The following CREM variants were observed in gnomAD, a reference collection of about 807,000 sequenced individuals.
The protein encoded by CREM is cAMP-responsive element modulator.
CREM carries 13 observed loss-of-function variants against 37.3 expected under a neutral mutation model. The ratio of observed to expected loss-of-function variants is 0.35; its 90% CI spans 0.23 to 0.55. CREM has a LOEUF of 0.55. CREM is among the 20% of genes least tolerant of loss of function. The pLI is 0.88. For missense variants in CREM, 296 were observed against 362.3 expected, an observed-to-expected ratio of 0.82 and a Z score of 1.49; for synonymous variants, 124 against 120.2, an observed-to-expected ratio of 1.03 and a Z score of -0.21.
At chr10:35,162,365 A>G (rs2093340653) in intron 3 of CREM, among the ~76,000 whole-genome samples, 1 of 152,210 alleles carries the variant, frequency 6.6e-6, no homozygotes, top group African/African-American at 2.4e-5. Flanking sequence ...CATGGTGACT[A>G]TAGTTAAGGA....
At chr10:35,199,222 C>T (rs565073960) in intron 6 of CREM, among the ~76,000 whole-genome samples, 16 of 152,322 alleles carry the variant, frequency 1.1e-4, no homozygotes, top group Admixed American at 9.8e-4. Context: ...AAGTTATAAT[C>T]ACTTTGGAAG....
chr10:35,193,849 C>T (rs1485585586), intron 6 of CREM, among the ~76,000 whole-genome samples: 3 of 151,960 alleles, frequency 2.0e-5, no homozygotes, highest in Non-Finnish European at 4.4e-5. Context: ...CCTGTAATCC[C>T]AGCACTTTGG....
chr10:35,157,527 T>C (rs1484875018), intron 3 of CREM, among the ~76,000 whole-genome samples: 1 of 151,546 alleles, frequency 6.6e-6, no homozygotes, highest in Non-Finnish European at 1.5e-5. Context: ...TCCCAGCTAC[T>C]TGGGAGGCTG....
At chr10:35,138,484 T>C (rs527676214) in intron 2 of CREM, among the ~76,000 whole-genome samples, 1 of 152,154 alleles carries the variant, frequency 6.6e-6, no homozygotes, top group South Asian at 2.1e-4. Context: ...TCCTCTGCAA[T>C]GTAATTTGTC....
At chr10:35,209,169 C>T (rs1452167635) in intron 7 of CREM, 1 of 335,766 alleles carries the variant, frequency 3.0e-6, no homozygotes, top group African/African-American at 2.2e-5. Context: ...GCAAATTTCA[C>T]TTCCTGGGGA....
In CREM at chr10:35,148,165, A is replaced by T. The variant is rs145758875; in HGVS notation, c.45-203A>T. ...GTAATTTTATACAATATTTTTAATG[A>T]TTTTGTACAGGATACAAAGTTTTGA... On this transcript the variant is annotated intron_variant, in intron 2 of 7. Coordinates refer to ENST00000685392, the MANE Select transcript of CREM (RefSeq NM_183011.2). Among the ~76,000 whole-genome samples, 3 of 152,296 alleles carry T rather than the reference A, an allele frequency of 2.0e-5. No individual in the cohort carries two copies. In the East Asian group the frequency reaches 5.8e-4, roughly 29 times the overall value.
intron 7 of CREM, chr10:35,209,326 C>G: frequency 1.0e-6 from 1 of 985,430 alleles, no homozygotes; most frequent in Non-Finnish European, 1.2e-6. Context: ...GTCAGAGTTT[C>G]TTCCTTGCCT....
chr10:35,203,518 C>T (rs566753851), intron 6 of CREM, among the ~76,000 whole-genome samples: 5 of 152,200 alleles, frequency 3.3e-5, no homozygotes, highest in Non-Finnish European at 7.4e-5. Flanking sequence ...ATGGTGAAAT[C>T]TCATCTCTAC....
chr10:35,150,055 G>T (rs2092479539), intron 3 of CREM, among the ~76,000 whole-genome samples: 1 of 152,100 alleles, frequency 6.6e-6, no homozygotes, highest in Non-Finnish European at 1.5e-5. Context: ...TTTTGGTGTA[G>T]CTCCTTTAGT....
At chr10:35,196,094 TTAGTG>T in intron 6 of CREM, 1 of 1,614,164 alleles carries the variant, frequency 6.2e-7, no homozygotes, top group Non-Finnish European at 8.5e-7. Flanking sequence ...TCTGGCCAGC[TTAGTG>T]GTAAGATCGA....
chr10:35,155,611 CTT>C (rs2092846133), intron 3 of CREM, among the ~76,000 whole-genome samples: 3 of 43,200 alleles, frequency 6.9e-5, no homozygotes, highest in Non-Finnish European at 1.9e-4. Context: ...CTTAGGGATT[CTT>C]TTCTTTTCTT....
intron 3 of CREM, chr10:35,167,869 G>T: frequency 7.2e-7 from 1 of 1,394,522 alleles, no homozygotes; most frequent in Non-Finnish European, 1.0e-6. Context: ...GGTAAAAATT[G>T]TGAAATATAA....
chr10:35,153,394 T>C (rs2092711359), intron 3 of CREM, among the ~76,000 whole-genome samples: 1 of 152,200 alleles, frequency 6.6e-6, no homozygotes, highest in Admixed American at 6.5e-5. Flanking sequence ...GGTATACAAC[T>C]CTTAAAACAT....
At chr10:35,143,722 G>A (rs557571640) in intron 2 of CREM, among the ~76,000 whole-genome samples, 1 of 152,314 alleles carries the variant, frequency 6.6e-6, no homozygotes, top group South Asian at 2.1e-4. Flanking sequence ...TACACCTGAT[G>A]ACCTTGAGCC....
intron 3 of CREM, among the ~76,000 whole-genome samples, chr10:35,153,466 A>G (rs898657249): frequency 3.9e-5 from 6 of 152,130 alleles, no homozygotes; most frequent in Non-Finnish European, 7.4e-5. Context: ...TTAATATGCA[A>G]TCCATATTCA....
intron 7 of CREM, among the ~76,000 whole-genome samples, chr10:35,209,087 C>T (rs764456755): frequency 1.2e-4 from 19 of 152,150 alleles, no homozygotes; most frequent in African/African-American, 3.1e-4. Flanking sequence ...GATGGGCAAC[C>T]GGGCAGTCTT....
intron 3 of CREM, chr10:35,175,854 T>C: frequency 6.3e-7 from 1 of 1,580,140 alleles, no homozygotes; most frequent in Non-Finnish European, 8.6e-7. Context: ...TTTTGGCAGG[T>C]TTCTGTGGCT....
At chr10:35,207,139 T>A in intron 7 of CREM, 88 bp downstream of exon 7, 1 of 1,401,864 alleles carries the variant, frequency 7.1e-7, no homozygotes, top group Non-Finnish European at 9.6e-7. Flanking sequence ...ACGCCTGTAA[T>A]CCCAGCACTT....
intron 6 of CREM, among the ~76,000 whole-genome samples, chr10:35,196,871 T>G (rs2095200856): frequency 7.1e-6 from 1 of 140,566 alleles, no homozygotes; most frequent in Non-Finnish European, 1.6e-5. Flanking sequence ...TGTACTTTTT[T>G]TTTTTTTTTT....
Sources: allele counts gnomAD v4.1 joint callset (sites outside exome capture counted in the v4.1 genomes callset), GRCh38; gene constraint gnomAD v4.1.1; transcripts MANE v1.5; gene names NCBI Gene and HGNC (gene_info 2026-07-23, HGNC 2026-07-21).